Variants in SYDE2 observed in about 807,000 individuals in gnomAD.
SYDE2 encodes the protein synapse defective Rho GTPase homolog 2.
A neutral mutation model predicts 91.5 loss-of-function variants in SYDE2; 76 were observed. The observed-to-expected ratio is 0.83, with a 90% CI of 0.69 to 1.01. SYDE2 has a LOEUF of 1.01. SYDE2 is among the 50% of genes least tolerant of loss of function. The pLI is 0.00. For missense variants in SYDE2, 1,364 were observed against 1,367.7 expected (o/e 1.00, Z 0.04); for synonymous variants, 513 against 506.4 (o/e 1.01, Z -0.18).
chr1:85,160,029 G>C (rs901945566), intron 6 of SYDE2: 2 of 984,074 alleles, frequency 2.0e-6, no homozygotes, highest in East Asian at 1.1e-4. Flanking sequence ...ACAAACCAAG[G>C]TTTACTCTTG....
rs920845906 is a variant in SYDE2 at position 85,157,567 on chromosome 1, A to T, written c.*1183T>A. 1.3e-5 allele frequency: 2 copies of T among 152,188 alleles called. No individual in the cohort carries two copies. Among genetic ancestry groups the T allele is most frequent in the Admixed American group, 6.5e-5 (1 of 15,288 alleles). The allele number at this position is 152,188 out of a possible 1,614,324, so 9.4% of individuals were successfully genotyped here. On this transcript the variant is annotated 3_prime_UTR_variant, in exon 7 of 7. Transcript: ENST00000341460. Reference sequence around the variant, plus strand: ...AAGTCACCAGTGCAGAAATCTGGGTACTTAATCCCTTAAGGAGTTAGAGGA... The same window carrying T: ...AAGTCACCAGTGCAGAAATCTGGGTTCTTAATCCCTTAAGGAGTTAGAGGA...
At chr1:85,183,709 C>T (rs1230754783) in intron 2 of SYDE2, among the ~76,000 whole-genome samples, 4 of 151,906 alleles carry the variant, frequency 2.6e-5, no homozygotes, top group African/African-American at 9.7e-5. Flanking sequence ...TAAAGCATCC[C>T]CTTGTACTAA....
At chr1:85,176,657 C>A (rs974823080) in intron 4 of SYDE2, among the ~76,000 whole-genome samples, 19 of 152,046 alleles carry the variant, frequency 1.2e-4, no homozygotes, top group Non-Finnish European at 2.4e-4. Context: ...TGGCAGTTGT[C>A]AGTAGAGAGG....
At chr1:85,196,036 C>T (rs1029301377) in intron 1 of SYDE2, among the ~76,000 whole-genome samples, 18 of 152,182 alleles carry the variant, frequency 1.2e-4, no homozygotes, top group Admixed American at 3.9e-4. Flanking sequence ...GGCCTCCTCT[C>T]TTGCATTTCC....
At chr1:85,200,121 C>T in intron 1 of SYDE2, 131 bp downstream of exon 1, 3 of 1,520,742 alleles carry the variant, frequency 2.0e-6, no homozygotes, top group Non-Finnish European at 2.6e-6. Context: ...CTGCCACTTA[C>T]ATGACACTTA....
At chr1:85,172,388 A>C (rs1420874857) in intron 4 of SYDE2, among the ~76,000 whole-genome samples, 1 of 152,220 alleles carries the variant, frequency 6.6e-6, no homozygotes, top group Non-Finnish European at 1.5e-5. Flanking sequence ...GGCACCATTC[A>C]CAGCCTTCTA....
At chr1:85,165,672 A>C (rs564500847) in intron 5 of SYDE2, among the ~76,000 whole-genome samples, 53 of 151,792 alleles carry the variant, frequency 3.5e-4, no homozygotes, top group South Asian at 1.2e-3. Context: ...ATTACCAAAA[A>C]AAATATTTTT....
intron 5 of SYDE2, among the ~76,000 whole-genome samples, chr1:85,167,841 T>A (rs947905554): frequency 1.3e-5 from 2 of 152,092 alleles, no homozygotes; most frequent in Non-Finnish European, 2.9e-5. Context: ...GTGCTGGGCA[T>A]GGTGGCTCAC....
At position 85,182,531 on chromosome 1, in the gene SYDE2, C is replaced by A. The variant is rs1252271200; in HGVS notation, c.2111G>T (p.Cys704Phe). ...PPRIDSKDVF[C>F]AIQVDSVNKA... The stretch of plus-strand genomic sequence containing the variant: ...GTTTACTGAATCTACCTGAATTGCA[C>A]AAAAGACGTCTTTTGAATCTATCCG... The change falls in exon 3 of 7, where the codon TGT becomes TTT. Residue 704 changes from cysteine (C) to phenylalanine (F), a missense_variant. By Grantham distance (205) the Cys-to-Phe change is radical (BLOSUM62 -2). Coordinates refer to ENST00000341460, the MANE Select transcript of SYDE2 (RefSeq NM_032184.2). 10 of 1,613,866 alleles carry A rather than the reference C, an allele frequency of 6.2e-6. No homozygotes were observed. Among genetic ancestry groups the A allele is most frequent in the Non-Finnish European group, 8.5e-6 (10 of 1,179,854 alleles).
chr1:85,166,038 A>C (rs1251632543), intron 5 of SYDE2, among the ~76,000 whole-genome samples: 1 of 151,590 alleles, frequency 6.6e-6, no homozygotes, highest in Non-Finnish European at 1.5e-5. Flanking sequence ...CATACCCACT[A>C]ATTTTTAAAA....
intron 6 of SYDE2, among the ~76,000 whole-genome samples, chr1:85,163,445 CTATATATATATATA>C (rs55977750): frequency 0.053 from 4,662 of 87,650 alleles, 342 homozygotes; most frequent in African/African-American, 0.15. Context: ...GTACTTTAAT[CTATATATATATATA>C]TATATATATA....
intron 2 of SYDE2, among the ~76,000 whole-genome samples, chr1:85,188,017 T>A (rs1019745702): frequency 2.6e-5 from 4 of 151,556 alleles, no homozygotes; most frequent in African/African-American, 9.7e-5. Flanking sequence ...ATAATAATAA[T>A]TAAATTAAAT....
At position 85,190,752 on chromosome 1, in the gene SYDE2, T is replaced by C; in HGVS notation, c.746A>G (p.Asp249Gly). ...AGACCCATAGGCATTTTCAAATAAA[T>C]CTGTTGCAAAGATAGAATAGAAGGT... The part of the protein sequence containing the change: ...VPPDQRITLT[D>G]LFENAYGSSM... The change falls in exon 2 of 7, where the codon GAT becomes GGT. Residue 249 changes from aspartate to glycine, a missense_variant and splice_region_variant. Coordinates refer to ENST00000341460, the MANE Select transcript of SYDE2 (RefSeq NM_032184.2). The C allele has an allele frequency of 2.5e-6, 4 of 1,588,992 alleles. No individual in the cohort carries two copies. Among genetic ancestry groups the C allele is most frequent in the Middle Eastern group, 1.7e-4 (1 of 5,910 alleles).
At position 85,157,515 on chromosome 1, in the gene SYDE2, T is replaced by C. The variant is rs1332762839; in HGVS notation, c.*1235A>G. 1 of 152,104 alleles carries C rather than the reference T, an allele frequency of 6.6e-6. No individual in the cohort carries two copies. The highest frequency in any genetic ancestry group is 6.5e-5 in the Admixed American group (1 of 15,280). The allele number at this position is 152,104 out of a possible 1,614,324, so 9.4% of individuals were successfully genotyped here. ...AAACAAAGCAGAATATAAAAATGCA[T>C]AGAACAGGAGCAGATTTATTAAATC... On this transcript the variant is annotated 3_prime_UTR_variant, in exon 7 of 7. Coordinates refer to ENST00000341460, the MANE Select transcript of SYDE2 (RefSeq NM_032184.2).
chr1:85,199,652 G>A (rs989830166), intron 1 of SYDE2, among the ~76,000 whole-genome samples: 1 of 152,044 alleles, frequency 6.6e-6, no homozygotes, highest in Non-Finnish European at 1.5e-5. Flanking sequence ...GGCAGGTGGA[G>A]AGATGGTGTA....
At chr1:85,156,384 TAA>T (rs1397481568), downstream of SYDE2, among the ~76,000 whole-genome samples, 1 of 140,092 alleles carries the variant, frequency 7.1e-6, no homozygotes. Flanking sequence ...TTGTCTCTAT[TAA>T]AAAAAAAAAA....
chr1:85,189,908 CTTT>C (rs1287599095), intron 2 of SYDE2, 146 bp downstream of exon 2: 1 of 654,844 alleles, frequency 1.5e-6, no homozygotes, highest in Non-Finnish European at 2.5e-6. Context: ...GTTTATAAAA[CTTT>C]TTGAGTTTTA....
intron 4 of SYDE2, among the ~76,000 whole-genome samples, chr1:85,175,564 G>A (rs1026440935): frequency 2.6e-5 from 4 of 152,120 alleles, no homozygotes; most frequent in Non-Finnish European, 2.9e-5. Flanking sequence ...AAACTGGTTC[G>A]TCTGGAGTAT....
At chr1:85,156,487 T>C (rs1298914177), downstream of SYDE2, among the ~76,000 whole-genome samples, 2 of 151,752 alleles carry the variant, frequency 1.3e-5, no homozygotes, top group Non-Finnish European at 2.9e-5. Context: ...AAAAAGCAGG[T>C]ATAAAAACTC....
Sources: allele counts gnomAD v4.1 joint callset (sites outside exome capture counted in the v4.1 genomes callset), GRCh38; gene constraint gnomAD v4.1.1; transcripts MANE v1.5; gene names NCBI Gene and HGNC (gene_info 2026-07-23, HGNC 2026-07-21).